The following TTLL11 variants were observed in gnomAD, a reference collection of about 807,000 sequenced individuals.
The protein encoded by TTLL11 is tubulin polyglutamylase TTLL11.
Under a neutral mutation model 51.7 loss-of-function variants are expected in TTLL11, and 42 were observed. That is an observed-to-expected ratio of 0.81 (90% CI 0.64 to 1.05). TTLL11 has a LOEUF of 1.05. Among genes scored for constraint, TTLL11 ranks in the 50% least tolerant of loss-of-function variants. The probability of loss-of-function intolerance (pLI) is 0.00; values close to 1 mark genes in which losing one functional copy is unlikely to be tolerated. For synonymous variants in TTLL11, 381 were observed against 383.5 expected, an observed-to-expected ratio of 0.99 and a Z score of 0.08; for missense variants, 799 against 940.4, an observed-to-expected ratio of 0.85 and a Z score of 1.97.
In TTLL11 at chr9:121,832,872, G is replaced by A. The variant is rs139254138; in HGVS notation, c.1841-9993C>T. ...GGAGAATCACTTTAACCCAGGAGGC[G>A]GATGTTTCAGTGAGCTGAGATTGCA... On this transcript the variant is annotated intron_variant, in intron 8 of 8. Transcript: ENST00000321582. Among the ~76,000 whole-genome samples, 251 of 152,268 alleles carry A rather than the reference G, an allele frequency of 1.6e-3. 2 individuals carry two copies. Among genetic ancestry groups the A allele is most frequent in the African/African-American group, 5.3e-3 (222 of 41,554 alleles).
At chr9:122,023,995 C>T (rs11506795) in intron 3 of TTLL11, among the ~76,000 whole-genome samples, 12,568 of 151,992 alleles carry the variant, frequency 0.083, 960 homozygotes, top group African/African-American at 0.21. Context: ...CGGCTAATTA[C>T]AAAGTAAGAC....
intron 8 of TTLL11, among the ~76,000 whole-genome samples, chr9:121,826,469 A>ATATATATATGTATATATATATATGTGTG (rs1836779647): frequency 3.7e-5 from 1 of 27,122 alleles, no homozygotes; most frequent in Non-Finnish European, 1.1e-4. Flanking sequence ...ATATGTGTGT[A>ATATATATATGTATATATATATATGTGTG]TATATATATA....
At chr9:121,979,781 AG>A (rs1414467236) in intron 4 of TTLL11, among the ~76,000 whole-genome samples, 1 of 152,180 alleles carries the variant, frequency 6.6e-6, no homozygotes, top group African/African-American at 2.4e-5. Context: ...ATGAAGCCCA[AG>A]TCCCACAGCA....
chr9:121,868,444 C>T (rs974706352), intron 7 of TTLL11, among the ~76,000 whole-genome samples: 1 of 152,196 alleles, frequency 6.6e-6, no homozygotes, highest in Non-Finnish European at 1.5e-5. Flanking sequence ...TCACTAAATG[C>T]AGCTTCCAGG....
intron 6 of TTLL11, among the ~76,000 whole-genome samples, chr9:121,888,729 G>A (rs903947721): frequency 1.3e-5 from 2 of 152,226 alleles, no homozygotes; most frequent in African/African-American, 2.4e-5. Context: ...AAAATGGCAT[G>A]GAAGTAGAAA....
chr9:121,826,527 A>ATATG lies in TTLL11; in HGVS notation c.1841-3649_1841-3648insCATA, dbSNP rs1478793632. Among the ~76,000 whole-genome samples the ATATG allele has an allele frequency of 2.1e-3, 101 of 47,834 alleles. 3 individuals carry two copies. The highest frequency in any genetic ancestry group is 8.2e-3 in the African/African-American group (98 of 12,020). 31.4% of individuals were successfully genotyped at this position (47,834 alleles called of 152,430 possible). ...TATATATATATATGTATATATATAT[A>ATATG]TGTGTGTGTGTATATATATATATGT... On this transcript the variant is annotated intron_variant, in intron 8 of 8. Coordinates refer to ENST00000321582, the MANE Select transcript of TTLL11 (RefSeq NM_001139442.2).
chr9:121,860,518 G>A (rs1837973112), intron 7 of TTLL11, 75 bp from the exon 8 acceptor site: 1 of 1,209,406 alleles, frequency 8.3e-7, no homozygotes, highest in Admixed American at 2.0e-5. Flanking sequence ...ACTCCTGTTA[G>A]GGACTGAATG....
intron 7 of TTLL11, among the ~76,000 whole-genome samples, chr9:121,865,867 G>C (rs1408812368): frequency 6.6e-6 from 1 of 152,048 alleles, no homozygotes; most frequent in East Asian, 1.9e-4. Context: ...CTTATTTCTT[G>C]GTGAAAAAGA....
intron 8 of TTLL11, among the ~76,000 whole-genome samples, chr9:121,841,382 T>G (rs1449984450): frequency 6.6e-6 from 1 of 152,150 alleles, no homozygotes; most frequent in Admixed American, 6.5e-5. Context: ...CCATGAGATT[T>G]TGGAAGGGAG....
Position 122,092,933 on chromosome 9 carries a change from C to G in TTLL11, c.216G>C (p.Ala72=). The G allele has an allele frequency of 6.3e-7, 1 of 1,580,096 alleles. No individual in the cohort carries two copies. Among genetic ancestry groups the G allele is most frequent in the East Asian group, 2.3e-5 (1 of 43,580 alleles). ...GGACCTGGGTGTTCCCCTCCTCAGCCGCACTGGGCTGCGCCGGGGCCGGGG... is the reference window on the plus strand; with the variant it reads ...GGACCTGGGTGTTCCCCTCCTCAGCGGCACTGGGCTGCGCCGGGGCCGGGG... ...VLAPAPAQPS[A]AEEGNTQVLQ... The change falls in exon 1 of 9, where the codon GCG becomes GCC. Residue 72 remains alanine (A), a synonymous_variant. Coordinates refer to ENST00000321582, the MANE Select transcript of TTLL11 (RefSeq NM_001139442.2).
chr9:121,995,035 AGAT>A lies in TTLL11; in HGVS notation c.694-5268_694-5266del, dbSNP rs1292585840. On this transcript the variant is annotated intron_variant, in intron 3 of 8. Coordinates refer to ENST00000321582, the MANE Select transcript of TTLL11 (RefSeq NM_001139442.2). This position sits in a 1 kb window ranked among gnomAD's most constrained non-coding sequence, Gnocchi z 4.4. The stretch of plus-strand genomic sequence containing the variant: ...GAAAGGCAGAGGGGAGGCAGTGGGA[AGAT>A]GATGAGCTGCACAGAGGACCCTGGA... Among the ~76,000 whole-genome samples the A allele has an allele frequency of 1.3e-5, 2 of 152,318 alleles. No homozygotes were observed. Among genetic ancestry groups the A allele is most frequent in the South Asian group, 4.1e-4 (2 of 4,828 alleles).
intron 1 of TTLL11, among the ~76,000 whole-genome samples, chr9:122,078,111 C>A (rs1049651384): frequency 6.6e-6 from 1 of 151,168 alleles, no homozygotes; most frequent in African/African-American, 2.5e-5. Flanking sequence ...AATTTGTAGT[C>A]TTGAGTGCTT....
chr9:121,859,341 A>T lies in TTLL11; in HGVS notation c.1840+996T>A, dbSNP rs181713417. ...CCCTGTCTCTACTGAAAAAAAAAAA[A>T]AAATACAAAATTAGCCGGGCATGGT... On this transcript the variant is annotated intron_variant, in intron 8 of 8. Transcript: ENST00000321582. Among the ~76,000 whole-genome samples the T allele has an allele frequency of 2.5e-3, 374 of 152,098 alleles. 4 individuals carry two copies. The highest frequency in any genetic ancestry group is 8.5e-3 in the African/African-American group (353 of 41,522).
chr9:121,955,406 A>C (rs1438386415), intron 6 of TTLL11, among the ~76,000 whole-genome samples: 1 of 152,214 alleles, frequency 6.6e-6, no homozygotes. Context: ...TGAGGGGAAC[A>C]ATAAGGAAAA....
chr9:122,009,610 T>C (rs193218828), intron 3 of TTLL11, among the ~76,000 whole-genome samples: 1 of 151,786 alleles, frequency 6.6e-6, no homozygotes, highest in African/African-American at 2.4e-5. Flanking sequence ...TAAGTAGATA[T>C]ACATAAAGAA....
intron 6 of TTLL11, among the ~76,000 whole-genome samples, chr9:121,923,103 A>T (rs2131529893): frequency 6.6e-6 from 1 of 152,344 alleles, no homozygotes; most frequent in Middle Eastern, 3.4e-3. Flanking sequence ...ACTTTGCATG[A>T]GGATCTTCAG....
intron 6 of TTLL11, among the ~76,000 whole-genome samples, chr9:121,904,334 G>A (rs1411906560): frequency 2.0e-5 from 3 of 152,072 alleles, no homozygotes; most frequent in Admixed American, 6.5e-5. Context: ...GCACCACCAC[G>A]CCCAGCTAAT....
At chr9:122,057,265 G>GA (rs376597353) in intron 1 of TTLL11, among the ~76,000 whole-genome samples, 137 of 150,438 alleles carry the variant, frequency 9.1e-4, no homozygotes, top group African/African-American at 3.2e-3. Context: ...GTGTTCCAGG[G>GA]AAAAATAGAA....
chr9:121,869,722 A>G (rs1838287501), intron 7 of TTLL11, among the ~76,000 whole-genome samples: 1 of 152,196 alleles, frequency 6.6e-6, no homozygotes, highest in South Asian at 2.1e-4. Context: ...CTCAACTAAT[A>G]TTACACACAC....
Sources: gnomAD v4.1 joint callset for allele counts (sites outside exome capture counted in the v4.1 genomes callset) on GRCh38, gnomAD v4.1.1 for gene constraint, Gnocchi (gnomAD v3.1) non-coding constraint, MANE v1.5 for transcripts, NCBI Gene and HGNC (gene_info 2026-07-23, HGNC 2026-07-21) for gene names.